Variants in ANK2 observed in about 807,000 individuals in gnomAD.
ANK2 encodes the protein ankyrin-2.
A neutral mutation model predicts 360.5 loss-of-function variants in ANK2; 83 were observed. That is an observed-to-expected ratio of 0.23 (90% CI 0.19 to 0.28). The LOEUF (loss-of-function observed/expected upper bound fraction) is 0.28, where lower values mean the gene tolerates loss of function less well. Among genes scored for constraint, ANK2 ranks in the 10% least tolerant of loss-of-function variants. The probability of loss-of-function intolerance (pLI) is 1.00; values close to 1 mark genes in which losing one functional copy is unlikely to be tolerated. For synonymous variants in ANK2, 1,740 were observed against 1,759.5 expected (o/e 0.99, Z 0.28); for missense variants, 4,201 against 4,795.7 (o/e 0.88, Z 3.66).
At chr4:112,730,957 G>T in the ANK2 span, among the ~76,000 whole-genome samples, 1 of 151,806 alleles carries the variant, frequency 6.6e-6, no homozygotes, top group Admixed American at 6.6e-5. Context: ...GGCCAACATG[G>T]TGAAACCCCA....
chr4:112,937,765 TATG>T (rs1416607026), intron 2 of ANK2, among the ~76,000 whole-genome samples: 9 of 152,362 alleles, frequency 5.9e-5, no homozygotes, highest in Non-Finnish European at 1.0e-4. Context: ...GTCTATTGGC[TATG>T]ATGTTTTCAG....
chr4:113,375,110 G>A (rs1425809961), intron 45 of ANK2, among the ~76,000 whole-genome samples: 1 of 152,154 alleles, frequency 6.6e-6, no homozygotes, highest in African/African-American at 2.4e-5. Context: ...GCAGAGTAAC[G>A]TTTCCTTAAA....
intron 2 of ANK2, among the ~76,000 whole-genome samples, chr4:113,179,840 T>A (rs778790049): frequency 6.6e-5 from 10 of 152,214 alleles, no homozygotes; most frequent in Non-Finnish European, 1.5e-4. Context: ...AAAACCCCAG[T>A]AGTTTCAGAA....
At chr4:113,094,055 A>T (rs535052302) in intron 1 of ANK2, among the ~76,000 whole-genome samples, 1 of 152,180 alleles carries the variant, frequency 6.6e-6, no homozygotes, top group South Asian at 2.1e-4. Flanking sequence ...GACCTTCCTT[A>T]ATCTGTGGCT....
At chr4:112,730,317 A>G in the ANK2 span, among the ~76,000 whole-genome samples, 16 of 150,802 alleles carry the variant, frequency 1.1e-4, no homozygotes, top group African/African-American at 3.7e-4. Flanking sequence ...CATGGTGAAT[A>G]CAGTTAATAA....
rs534879167 is a variant in ANK2 at position 113,052,369 on chromosome 4, G to A, written c.84+2557G>A. On this transcript the variant is annotated intron_variant, in intron 1 of 45. Coordinates refer to ENST00000357077, the MANE Select transcript of ANK2 (RefSeq NM_001148.6). Reference sequence around the variant, plus strand: ...ATTCTACTTAAGCATCCAGGACTACGGACCACCAAGCTCACTATGGCCTGG... The same window carrying A: ...ATTCTACTTAAGCATCCAGGACTACAGACCACCAAGCTCACTATGGCCTGG... Among the ~76,000 whole-genome samples, 5 of 152,192 alleles carry A rather than the reference G, an allele frequency of 3.3e-5. 1 individual carries two copies. The South Asian group carries it at 8.3e-4, about 25-fold the overall frequency.
intron 4 of ANK2, among the ~76,000 whole-genome samples, chr4:113,220,948 G>T (rs980212680): frequency 2.0e-5 from 3 of 152,226 alleles, no homozygotes; most frequent in African/African-American, 7.2e-5. Flanking sequence ...AGAAGAAGCT[G>T]CTTTCACGAA....
At chr4:112,830,940 T>C (rs1214465219) in intron 1 of ANK2, among the ~76,000 whole-genome samples, 2 of 152,184 alleles carry the variant, frequency 1.3e-5, no homozygotes, top group Admixed American at 6.5e-5. Context: ...AGTGAGGGGC[T>C]TAGCACCCGG....
intron 4 of ANK2, among the ~76,000 whole-genome samples, chr4:113,223,175 A>G (rs1246980633): frequency 6.6e-6 from 1 of 152,186 alleles, no homozygotes; most frequent in East Asian, 1.9e-4. Context: ...GCTAATTCCA[A>G]GGAAGAAGAA....
intron 21 of ANK2, chr4:113,292,885 G>A: frequency 2.7e-6 from 1 of 371,618 alleles, no homozygotes. Context: ...TCATTGAGTT[G>A]TGGAGCCATT....
At chr4:113,049,597 C>A, upstream of ANK2, 2 of 1,501,956 alleles carry the variant, frequency 1.3e-6, no homozygotes, top group Non-Finnish European at 1.8e-6. Flanking sequence ...ACCGTCCTTA[C>A]CCTCCCAGTG....
rs771607762 is a variant in ANK2 at position 113,356,751 on chromosome 4, G to A, written c.8133G>A (p.Gln2711=). ...CCAGTCCAGAAGAAGTACAATTCCA[G>A]CCTGTCGTTTCCAAACAATATACTT... ...SNSSPEEVQF[Q]PVVSKQYTFK... is the part of the protein sequence containing the mutation. The change falls in exon 38 of 46, where the codon CAG becomes CAA. Residue 2711 remains glutamine, a synonymous_variant. Coordinates refer to ENST00000357077, the MANE Select transcript of ANK2 (RefSeq NM_001148.6). 11 of 1,613,960 alleles carry A rather than the reference G, an allele frequency of 6.8e-6. No homozygotes were observed. Among genetic ancestry groups the A allele is most frequent in the Non-Finnish European group, 9.3e-6 (11 of 1,179,990 alleles).
intron 1 of ANK2, among the ~76,000 whole-genome samples, chr4:113,157,759 G>T (rs1462944337): frequency 6.6e-6 from 1 of 152,136 alleles, no homozygotes; most frequent in African/African-American, 2.4e-5. Flanking sequence ...ACCTTTGGGG[G>T]AACTTGGGGA....
intron 2 of ANK2, among the ~76,000 whole-genome samples, chr4:112,913,453 A>G (rs2088487808): frequency 6.6e-6 from 1 of 152,200 alleles, no homozygotes; most frequent in African/African-American, 2.4e-5. Flanking sequence ...TGTTAAAACA[A>G]TTGATTTTAC....
At chr4:112,913,215 T>G (rs1407642098) in intron 2 of ANK2, among the ~76,000 whole-genome samples, 1 of 152,228 alleles carries the variant, frequency 6.6e-6, no homozygotes, top group Admixed American at 6.5e-5. Flanking sequence ...ACTTGAATAT[T>G]AAAATTTATG....
intron 5 of ANK2, among the ~76,000 whole-genome samples, chr4:113,232,984 C>A (rs946618759): frequency 8.6e-5 from 13 of 151,980 alleles, no homozygotes; most frequent in Non-Finnish European, 1.8e-4. Flanking sequence ...TCCAGAAGCC[C>A]TTGTGCTTGG....
At chr4:112,751,007 G>A in the ANK2 span, among the ~76,000 whole-genome samples, 2 of 152,174 alleles carry the variant, frequency 1.3e-5, no homozygotes, top group Admixed American at 1.3e-4. Context: ...GATTACAGGC[G>A]TGTGCCACCA....
intron 4 of ANK2, among the ~76,000 whole-genome samples, chr4:113,205,792 G>A (rs1041399357): frequency 1.3e-5 from 2 of 152,166 alleles, no homozygotes; most frequent in Admixed American, 6.5e-5. Context: ...GAATTGAACT[G>A]TGAAGAGGAA....
At chr4:112,788,038 A>G in the ANK2 span, 63 of 990,600 alleles carry the variant, frequency 6.4e-5, no homozygotes, top group Middle Eastern at 9.0e-4. Flanking sequence ...GAAAATTTGT[A>G]TTATTTTAAT....
Sources: allele counts gnomAD v4.1 joint callset (sites outside exome capture counted in the v4.1 genomes callset), GRCh38; gene constraint gnomAD v4.1.1; transcripts MANE v1.5; gene names NCBI Gene and HGNC (gene_info 2026-07-23, HGNC 2026-07-21).